Variants in EPHA3 observed in about 807,000 individuals in gnomAD.
EPHA3 encodes EPH receptor A3, also known as ephrin type-A receptor 3.
EPHA3 carries 42 observed loss-of-function variants against 107.1 expected under a neutral mutation model. The ratio of observed to expected loss-of-function variants is 0.39; its 90% CI spans 0.31 to 0.51. The LOEUF is 0.51. Ranked by LOEUF, EPHA3 falls within the 20% of genes least tolerant of loss-of-function variation. EPHA3 has a pLI of 0.78. For missense variants in EPHA3, 1,183 were observed against 1,211.2 expected (o/e 0.98, Z 0.35); for synonymous variants, 461 against 424.8 (o/e 1.09, Z -1.05).
At chr3:89,339,370 CAAAAA>C (rs10575384) in intron 3 of EPHA3, among the ~76,000 whole-genome samples, 2 of 106,630 alleles carry the variant, frequency 1.9e-5, no homozygotes, top group African/African-American at 7.2e-5. Context: ...GACTCCATCT[CAAAAA>C]AAAAAAAAAA....
At chr3:89,112,366 A>G (rs914331347) in intron 1 of EPHA3, among the ~76,000 whole-genome samples, 2 of 152,036 alleles carry the variant, frequency 1.3e-5, no homozygotes, top group African/African-American at 2.4e-5. Flanking sequence ...GTTGCTCTTA[A>G]TAAGTTTATT....
chr3:89,466,487 C>T (rs1457964707), intron 15 of EPHA3, among the ~76,000 whole-genome samples: 1 of 132,974 alleles, frequency 7.5e-6, no homozygotes, highest in African/African-American at 3.0e-5. Flanking sequence ...AGCGAGACTC[C>T]GTGGGCGTAG....
intron 5 of EPHA3, among the ~76,000 whole-genome samples, chr3:89,365,981 C>T (rs1708178159): frequency 6.6e-6 from 1 of 150,598 alleles, no homozygotes; most frequent in African/African-American, 2.4e-5. Flanking sequence ...GTGACACAAT[C>T]AGGCCTATGA....
Position 89,162,828 on chromosome 3 carries a change from C to T in EPHA3, c.153+35555C>T, listed in dbSNP as rs369925194. Among the ~76,000 whole-genome samples the T allele has an allele frequency of 7.9e-5, 12 of 152,218 alleles. No individual in the cohort carries two copies. In the East Asian group the frequency reaches 2.3e-3, roughly 30 times the overall value. The stretch of plus-strand genomic sequence containing the variant: ...CTGGATGTGCCACCCTTGGGAAGGA[C>T]CTGAACTCTAGGACGGCCACTCCAT... On this transcript the variant is annotated intron_variant, in intron 2 of 16. Coordinates refer to ENST00000336596, the MANE Select transcript of EPHA3 (RefSeq NM_005233.6).
chr3:89,384,986 T>G (rs1708587540), intron 5 of EPHA3, among the ~76,000 whole-genome samples: 1 of 152,170 alleles, frequency 6.6e-6, no homozygotes, highest in South Asian at 2.1e-4. Flanking sequence ...AAGAATATTG[T>G]AGAACATCCC....
intron 3 of EPHA3, among the ~76,000 whole-genome samples, chr3:89,226,386 G>C (rs1704504471): frequency 6.6e-6 from 1 of 152,088 alleles, no homozygotes; most frequent in Non-Finnish European, 1.5e-5. Flanking sequence ...TCATAAGAGG[G>C]ATAAATCCTT....
chr3:89,210,645 A>T lies in EPHA3; in HGVS notation c.814+125A>T, dbSNP rs1437294071. On this transcript the variant is annotated intron_variant, in intron 3 of 16. Coordinates refer to ENST00000336596, the MANE Select transcript of EPHA3 (RefSeq NM_005233.6). Reference sequence around the variant, plus strand: ...GGAAAACATGCCTCAAACTGACCATAGTCTATTTATGGACTAAAATTAATT... The same window carrying T: ...GGAAAACATGCCTCAAACTGACCATTGTCTATTTATGGACTAAAATTAATT... 8.1e-6 allele frequency: 8 copies of T among 985,950 alleles called. No homozygotes were observed. The Admixed American group carries it at 2.2e-4, about 28-fold the overall frequency. The allele number at this position is 985,950 out of a possible 1,614,324, so 61.1% of individuals were successfully genotyped here. A position where few individuals can be genotyped will look rare whatever the true frequency, so the allele number is the denominator to read the frequency against.
intron 3 of EPHA3, among the ~76,000 whole-genome samples, chr3:89,269,439 T>C (rs901582578): frequency 6.6e-6 from 1 of 151,920 alleles, no homozygotes; most frequent in African/African-American, 2.4e-5. Flanking sequence ...GTTTTTTTTA[T>C]AATTTATTAT....
chr3:89,187,013 GATTT>G (rs1352438459), intron 2 of EPHA3, among the ~76,000 whole-genome samples: 1 of 151,690 alleles, frequency 6.6e-6, no homozygotes, highest in Non-Finnish European at 1.5e-5. Context: ...TTTTATTTCA[GATTT>G]ATTTTAATTA....
intron 13 of EPHA3, among the ~76,000 whole-genome samples, chr3:89,442,433 C>G (rs1019981167): frequency 6.6e-6 from 1 of 152,122 alleles, no homozygotes; most frequent in Admixed American, 6.5e-5. Context: ...AGCAGTAGTT[C>G]GCAAATGGGG....
chr3:89,456,955 A>G (rs1353307258), intron 15 of EPHA3, among the ~76,000 whole-genome samples: 3 of 152,192 alleles, frequency 2.0e-5, no homozygotes, highest in Non-Finnish European at 4.4e-5. Flanking sequence ...TTAAATGTGG[A>G]AGAAAAAAGA....
chr3:89,326,109 TTA>T (rs1313581912), intron 3 of EPHA3, among the ~76,000 whole-genome samples: 1 of 151,444 alleles, frequency 6.6e-6, no homozygotes, highest in Non-Finnish European at 1.5e-5. Flanking sequence ...ATATATATTA[TTA>T]TATGTTATGT....
At chr3:89,430,442 T>C (rs1479657029) in intron 12 of EPHA3, among the ~76,000 whole-genome samples, 1 of 152,110 alleles carries the variant, frequency 6.6e-6, no homozygotes, top group Non-Finnish European at 1.5e-5. Context: ...ATTTCCAAAA[T>C]CAGGTGAGTT....
chr3:89,288,199 C>T (rs899986578), intron 3 of EPHA3, among the ~76,000 whole-genome samples: 5 of 151,946 alleles, frequency 3.3e-5, no homozygotes, highest in Non-Finnish European at 2.9e-5. Context: ...AACAATGTCA[C>T]GTAGTCAATG....
chr3:89,344,709 T>A (rs1006462187), intron 5 of EPHA3, among the ~76,000 whole-genome samples: 2 of 152,172 alleles, frequency 1.3e-5, no homozygotes, highest in Non-Finnish European at 2.9e-5. Flanking sequence ...CTAGCCTCTA[T>A]CTTTGACGTG....
intron 2 of EPHA3, among the ~76,000 whole-genome samples, chr3:89,168,274 T>G (rs1705125127): frequency 6.6e-6 from 1 of 152,158 alleles, no homozygotes; most frequent in Admixed American, 6.5e-5. Context: ...ATGAATGAAT[T>G]GAATACTTCT....
chr3:89,206,718 T>C (rs909520864), intron 2 of EPHA3, among the ~76,000 whole-genome samples: 1 of 152,176 alleles, frequency 6.6e-6, no homozygotes. Context: ...TATAGGCACC[T>C]CAATGTAAAA....
At chr3:89,260,082 A>G (rs1239871894) in intron 3 of EPHA3, among the ~76,000 whole-genome samples, 2 of 152,204 alleles carry the variant, frequency 1.3e-5, no homozygotes, top group Admixed American at 6.5e-5. Context: ...TCTTCTGTCA[A>G]CAGACACTTA....
Position 89,436,520 on chromosome 3 carries a change from A to T in EPHA3, c.2346+5161A>T, listed in dbSNP as rs566875347. ...TGTAGGTAGAGCGTAGTTGCACTGA[A>T]GAGTCATGAAGGACATTTGAATCAA... On this transcript the variant is annotated intron_variant, in intron 13 of 16. Coordinates refer to ENST00000336596, the MANE Select transcript of EPHA3 (RefSeq NM_005233.6). 1.4e-3 allele frequency among the ~76,000 whole-genome samples: 214 copies of T among 152,026 alleles called. 1 individual carries two copies. The highest frequency in any genetic ancestry group is 2.6e-3 in the Non-Finnish European group (177 of 68,014).
Sources: allele counts gnomAD v4.1 joint callset (sites outside exome capture counted in the v4.1 genomes callset), GRCh38; gene constraint gnomAD v4.1.1; transcripts MANE v1.5; gene names NCBI Gene and HGNC (gene_info 2026-07-23, HGNC 2026-07-21).